The following ADSS2 variants were observed in gnomAD, a reference collection of about 807,000 sequenced individuals.
ADSS2 encodes the protein adenylosuccinate synthase 2, also known as adenylosuccinate synthetase isozyme 2.
A neutral mutation model predicts 60.0 loss-of-function variants in ADSS2; 30 were observed. The ratio of observed to expected loss-of-function variants is 0.50; its 90% CI spans 0.37 to 0.68. The LOEUF is 0.68. Among genes scored for constraint, ADSS2 ranks in the 30% least tolerant of loss-of-function variants. ADSS2 has a pLI of 0.00. For missense variants in ADSS2, 373 were observed against 554.8 expected (o/e 0.67, Z 3.29); for synonymous variants, 187 against 193.1 (o/e 0.97, Z 0.26).
intron 11 of ADSS2, among the ~76,000 whole-genome samples, 155 bp from the exon 12 acceptor site, chr1:244,411,591 C>G (rs1418507089): frequency 6.6e-6 from 1 of 152,174 alleles, no homozygotes; most frequent in African/African-American, 2.4e-5. Flanking sequence ...GGTAAAACAG[C>G]GCAAATACCA....
At chr1:244,424,549 T>G (rs1664753095) in intron 4 of ADSS2, 162 bp from the exon 5 acceptor site, 1 of 553,494 alleles carries the variant, frequency 1.8e-6, no homozygotes, top group African/African-American at 1.9e-5. Flanking sequence ...TAACACCAAC[T>G]AGTACATTAA....
intron 1 of ADSS2, among the ~76,000 whole-genome samples, chr1:244,445,626 G>T (rs1432290877): frequency 6.7e-6 from 1 of 150,292 alleles, no homozygotes; most frequent in Non-Finnish European, 1.5e-5. Context: ...TAGCTAAGAA[G>T]CTCCAAAGGT....
chr1:244,428,681 T>G (rs560708319), intron 4 of ADSS2, among the ~76,000 whole-genome samples: 31 of 151,692 alleles, frequency 2.0e-4, no homozygotes, highest in African/African-American at 5.8e-4. Flanking sequence ...GGTTATTTTT[T>G]GGGGAAAAAA....
intron 3 of ADSS2, among the ~76,000 whole-genome samples, chr1:244,433,633 G>A (rs886733000): frequency 4.6e-5 from 7 of 152,074 alleles, no homozygotes; most frequent in African/African-American, 7.2e-5. Context: ...CAAGGCGGGC[G>A]GATCACCTGA....
Position 244,432,475 on chromosome 1 carries a change from C to G in ADSS2, c.406+70G>C, listed in dbSNP as rs1255834291. On this transcript the variant is annotated intron_variant, in intron 4 of 12. Transcript: ENST00000366535. ...TAAAAATAAAAGACAAAATTAGTTA[C>G]TAAATACTTTCATTTGATAAATTTC... 6.0e-6 allele frequency: 7 copies of G among 1,158,712 alleles called. No individual in the cohort carries two copies. In the East Asian group the frequency reaches 1.0e-4, roughly 17 times the overall value. 71.8% of individuals were successfully genotyped at this position (1,158,712 alleles called of 1,614,324 possible).
At chr1:244,435,186 A>C (rs1021819634) in intron 3 of ADSS2, among the ~76,000 whole-genome samples, 1 of 149,306 alleles carries the variant, frequency 6.7e-6, no homozygotes, top group Admixed American at 6.6e-5. Flanking sequence ...AAAAAAAAAA[A>C]AAAAAAAAAA....
At chr1:244,447,170 T>C (rs1665412655) in intron 1 of ADSS2, among the ~76,000 whole-genome samples, 2 of 152,236 alleles carry the variant, frequency 1.3e-5, no homozygotes, top group Non-Finnish European at 1.5e-5. Flanking sequence ...CCAATTTTAA[T>C]TTATCAATAT....
chr1:244,415,605 G>C (rs1376704480), intron 11 of ADSS2, among the ~76,000 whole-genome samples: 6 of 152,208 alleles, frequency 3.9e-5, no homozygotes, highest in Non-Finnish European at 5.9e-5. Flanking sequence ...TGTACTGAGA[G>C]CCAGCTTAAC....
chr1:244,419,022 G>T, intron 8 of ADSS2, 108 bp from the exon 9 acceptor site: 3 of 1,007,872 alleles, frequency 3.0e-6, no homozygotes, highest in Non-Finnish European at 4.3e-6. Flanking sequence ...GTATCTAACA[G>T]ATCTGAACTG....
intron 1 of ADSS2, among the ~76,000 whole-genome samples, chr1:244,441,912 C>T (rs1247536328): frequency 1.3e-5 from 2 of 152,092 alleles, no homozygotes; most frequent in Non-Finnish European, 2.9e-5. Context: ...GCCGAGATCA[C>T]GCCACTGCAC....
At chr1:244,432,144 T>G (rs1221135968) in intron 4 of ADSS2, among the ~76,000 whole-genome samples, 1 of 152,234 alleles carries the variant, frequency 6.6e-6, no homozygotes, top group Admixed American at 6.5e-5. Context: ...GAATAAAATC[T>G]GAATCACTTA....
intron 3 of ADSS2, 132 bp from the exon 4 acceptor site, chr1:244,432,727 G>GCACA: frequency 1.2e-5 from 6 of 500,276 alleles, no homozygotes; most frequent in Non-Finnish European, 1.6e-5. Flanking sequence ...GCAGTGGTGT[G>GCACA]ATCTCGGCTC....
At chr1:244,431,746 A>C (rs1331745167) in intron 4 of ADSS2, among the ~76,000 whole-genome samples, 3 of 152,226 alleles carry the variant, frequency 2.0e-5, no homozygotes, top group African/African-American at 7.2e-5. Context: ...AATCCAATAG[A>C]GTTTACTTCA....
chr1:244,428,550 A>C (rs1209998474), intron 4 of ADSS2, among the ~76,000 whole-genome samples: 3 of 151,708 alleles, frequency 2.0e-5, no homozygotes, highest in Non-Finnish European at 4.4e-5. Context: ...GAGGGAGGTC[A>C]GTTGGTTGAG....
intron 1 of ADSS2, among the ~76,000 whole-genome samples, chr1:244,440,098 T>C (rs747462881): frequency 6.6e-6 from 1 of 152,224 alleles, no homozygotes; most frequent in Non-Finnish European, 1.5e-5. Context: ...TGATAGGAAG[T>C]TAAAGCCAGG....
chr1:244,441,469 G>A (rs1258840449), intron 1 of ADSS2, among the ~76,000 whole-genome samples: 2 of 152,034 alleles, frequency 1.3e-5, no homozygotes, highest in African/African-American at 4.8e-5. Flanking sequence ...TAAAGTATTT[G>A]GTAATTTTGA....
At chr1:244,448,141 A>G (rs758091140) in intron 1 of ADSS2, among the ~76,000 whole-genome samples, 6 of 152,218 alleles carry the variant, frequency 3.9e-5, no homozygotes, top group Non-Finnish European at 7.3e-5. Context: ...CTAATTACCT[A>G]CTATCCTTAA....
chr1:244,443,086 G>C (rs561547587), intron 1 of ADSS2, among the ~76,000 whole-genome samples: 1 of 152,294 alleles, frequency 6.6e-6, no homozygotes, highest in East Asian at 1.9e-4. Context: ...GGATGTGTTT[G>C]ATTCATCATG....
At chr1:244,438,108 T>C (rs1665147379) in intron 1 of ADSS2, among the ~76,000 whole-genome samples, 1 of 152,038 alleles carries the variant, frequency 6.6e-6, no homozygotes, top group Non-Finnish European at 1.5e-5. Context: ...TATGGCAATC[T>C]AACCATGATA....
Sources: gnomAD v4.1 joint callset for allele counts (sites outside exome capture counted in the v4.1 genomes callset) on GRCh38, gnomAD v4.1.1 for gene constraint, MANE v1.5 for transcripts, NCBI Gene and HGNC (gene_info 2026-07-23, HGNC 2026-07-21) for gene names.